PTPRT: variants seen among roughly 807,000 people sequenced by gnomAD.
PTPRT encodes protein tyrosine phosphatase receptor type T.
PTPRT carries 56 observed loss-of-function variants against 176.8 expected under a neutral mutation model. The ratio of observed to expected loss-of-function variants is 0.32; its 90% CI spans 0.26 to 0.40. PTPRT has a LOEUF of 0.40. Among genes scored for constraint, PTPRT ranks in the 10% least tolerant of loss-of-function variants. PTPRT has a pLI of 1.00. For synonymous variants in PTPRT, 783 were observed against 739.0 expected (o/e 1.06, Z -0.96); for missense variants, 1,540 against 1,908.2 (o/e 0.81, Z 3.60).
intron 2 of PTPRT, among the ~76,000 whole-genome samples, chr20:42,883,108 C>T (rs1478885522): frequency 6.6e-6 from 1 of 152,126 alleles, no homozygotes; most frequent in Non-Finnish European, 1.5e-5. Context: ...AATGAGAAGC[C>T]TCAGAAAGCC....
chr20:42,833,109 C>T (rs1014135184), intron 2 of PTPRT, among the ~76,000 whole-genome samples: 17 of 151,568 alleles, frequency 1.1e-4, no homozygotes, highest in African/African-American at 3.1e-4. Flanking sequence ...AAAAAATATA[C>T]GAGAGAAAAC....
At chr20:42,530,222 A>G (rs2072356856) in intron 7 of PTPRT, among the ~76,000 whole-genome samples, 1 of 152,220 alleles carries the variant, frequency 6.6e-6, no homozygotes, top group Non-Finnish European at 1.5e-5. Flanking sequence ...CCTGAGGCAT[A>G]TCTCTGAAAG....
rs373971741 is a variant in PTPRT at position 42,791,258 on chromosome 20, G to A, written c.423C>T (p.Val141=). ...QGNPVWNVSG[V]VTEGWVKAEL... ...CTGCCTTCACCCAGCCCTCAGTGACGACCCCGGACACATTCCACACAGGGT... is the reference window on the plus strand; with the variant it reads ...CTGCCTTCACCCAGCCCTCAGTGACAACCCCGGACACATTCCACACAGGGT... Residue 141 remains valine, a synonymous_variant, in exon 3 of 31, where the codon GTC becomes GTT. Transcript: ENST00000373187. The A allele has an allele frequency of 1.2e-5, 19 of 1,612,444 alleles. No individual in the cohort carries two copies. Among genetic ancestry groups the A allele is most frequent in the East Asian group, 2.2e-5 (1 of 44,822 alleles).
chr20:42,645,850 T>A (rs962467323), intron 7 of PTPRT, among the ~76,000 whole-genome samples: 1 of 150,922 alleles, frequency 6.6e-6, no homozygotes, highest in Non-Finnish European at 1.5e-5. Flanking sequence ...ATCTTGGTCA[T>A]TGGTTACAAG....
rs11415242 is a variant in PTPRT, at chr20:42,119,013, G to GAAAAAA, written c.2885-519_2885-514dup. Reference sequence around the variant, plus strand: ...CTCTAGGGCCTCAACAGAAAGGAAGGAAAAAAAAAAAAAAAAAAAAAAAAA... The same window carrying GAAAAAA: ...CTCTAGGGCCTCAACAGAAAGGAAGGAAAAAAAAAAAAAAAAAAAAAAAAAAAAAAA... On this transcript the variant is annotated intron_variant, in intron 20 of 30. Coordinates refer to ENST00000373187, the MANE Select transcript of PTPRT (RefSeq NM_007050.6). Among the ~76,000 whole-genome samples the GAAAAAA allele has an allele frequency of 1.2e-3, 34 of 29,206 alleles. 3 individuals are homozygous for GAAAAAA. Among genetic ancestry groups the GAAAAAA allele is most frequent in the Middle Eastern group, 0.029 (1 of 34 alleles). The allele number at this position is 29,206 out of a possible 152,430, so 19.2% of individuals were successfully genotyped here.
At chr20:42,742,528 A>G (rs1279487442) in intron 6 of PTPRT, among the ~76,000 whole-genome samples, 2 of 152,104 alleles carry the variant, frequency 1.3e-5, no homozygotes, top group Non-Finnish European at 2.9e-5. Flanking sequence ...TGTGGTCTCA[A>G]ATGTCACAGC....
At chr20:43,170,265 T>C (rs1259585853) in intron 1 of PTPRT, among the ~76,000 whole-genome samples, 1 of 152,190 alleles carries the variant, frequency 6.6e-6, no homozygotes, top group African/African-American at 2.4e-5. Flanking sequence ...TTTATATATG[T>C]TACTTCATGT....
chr20:42,092,588 T>A (rs1190573074), intron 27 of PTPRT, among the ~76,000 whole-genome samples: 1 of 152,154 alleles, frequency 6.6e-6, no homozygotes, highest in Non-Finnish European at 1.5e-5. Context: ...CCCCTACCAT[T>A]CTGGTGGGGA....
rs374006189 is a variant in PTPRT, at chr20:42,873,585, C to A, written c.214+12222G>T. On this transcript the variant is annotated intron_variant, in intron 2 of 30. Coordinates refer to ENST00000373187, the MANE Select transcript of PTPRT (RefSeq NM_007050.6). ...AAAAAGGTAAAAAAGAAATGGGTTA[C>A]TTTTAATAATTTATCTAACCCAATA... is the stretch of plus-strand genomic sequence containing the variant. Among the ~76,000 whole-genome samples the A allele has an allele frequency of 2.1e-4, 32 of 151,366 alleles. 2 individuals carry two copies. In the South Asian group the frequency reaches 6.4e-3, roughly 30 times the overall value.
intron 7 of PTPRT, among the ~76,000 whole-genome samples, chr20:42,671,074 A>T (rs1190201902): frequency 6.6e-6 from 1 of 152,168 alleles, no homozygotes; most frequent in Non-Finnish European, 1.5e-5. Context: ...CAGGAGAGGT[A>T]CAGGGCCAAG....
At chr20:42,741,195 T>G (rs1189120035) in intron 6 of PTPRT, among the ~76,000 whole-genome samples, 1 of 152,198 alleles carries the variant, frequency 6.6e-6, no homozygotes, top group Non-Finnish European at 1.5e-5. Flanking sequence ...CTAATGATAC[T>G]GCAATCTCAA....
At chr20:42,261,866 C>T (rs2146966159) in intron 13 of PTPRT, among the ~76,000 whole-genome samples, 1 of 152,270 alleles carries the variant, frequency 6.6e-6, no homozygotes, top group East Asian at 1.9e-4. Flanking sequence ...AAAGATCTGC[C>T]CATCTGGGGC....
intron 9 of PTPRT, among the ~76,000 whole-genome samples, chr20:42,372,657 C>T (rs1568821722): frequency 6.6e-6 from 1 of 152,048 alleles, no homozygotes; most frequent in Non-Finnish European, 1.5e-5. Flanking sequence ...GAAAGTCCCC[C>T]CAAATTCATA....
intron 12 of PTPRT, among the ~76,000 whole-genome samples, chr20:42,309,011 G>C (rs2057587411): frequency 6.6e-6 from 1 of 152,190 alleles, no homozygotes; most frequent in South Asian, 2.1e-4. Flanking sequence ...GGAAGTAGGA[G>C]AGAGAGAACA....
intron 7 of PTPRT, among the ~76,000 whole-genome samples, chr20:42,650,003 C>T (rs1047871572): frequency 6.6e-6 from 1 of 152,160 alleles, no homozygotes; most frequent in South Asian, 2.1e-4. Context: ...CCCTCCACCA[C>T]TCTGCTTTAC....
intron 6 of PTPRT, among the ~76,000 whole-genome samples, chr20:42,752,248 T>C (rs1158343848): frequency 6.6e-6 from 1 of 152,242 alleles, no homozygotes; most frequent in Non-Finnish European, 1.5e-5. Flanking sequence ...GCAATTTATT[T>C]ATTTTATTTA....
intron 13 of PTPRT, among the ~76,000 whole-genome samples, chr20:42,275,315 T>C (rs2147022632): frequency 6.6e-6 from 1 of 152,354 alleles, no homozygotes; most frequent in Non-Finnish European, 1.5e-5. Flanking sequence ...ACCCCAAATG[T>C]GTTCCTTCCC....
At chr20:43,138,047 A>G (rs1411021249) in intron 1 of PTPRT, among the ~76,000 whole-genome samples, 1 of 152,192 alleles carries the variant, frequency 6.6e-6, no homozygotes, top group Non-Finnish European at 1.5e-5. Flanking sequence ...CTCCTCATCA[A>G]TAAACCAAAG....
chr20:42,569,942 C>T (rs1440987147), intron 7 of PTPRT, among the ~76,000 whole-genome samples: 1 of 152,160 alleles, frequency 6.6e-6, no homozygotes, highest in Non-Finnish European at 1.5e-5. Flanking sequence ...TTGCAAACTA[C>T]TAAGTCTATG....
Sources: allele counts gnomAD v4.1 joint callset (sites outside exome capture counted in the v4.1 genomes callset), GRCh38; gene constraint gnomAD v4.1.1; transcripts MANE v1.5; gene names NCBI Gene and HGNC (gene_info 2026-07-23, HGNC 2026-07-21).